The following ADAMTS17 variants were observed in gnomAD, a reference collection of about 807,000 sequenced individuals.
ADAMTS17 encodes the protein ADAM metallopeptidase with thrombospondin type 1 motif 17.
Under a neutral mutation model 141.5 loss-of-function variants are expected in ADAMTS17, and 113 were observed. That is an observed-to-expected ratio of 0.80 (90% CI 0.69 to 0.93). The LOEUF is 0.93. Ranked by LOEUF, ADAMTS17 falls within the 40% of genes least tolerant of loss-of-function variation. ADAMTS17 has a pLI of 0.00. For missense variants in ADAMTS17, 1,659 were observed against 1,517.9 expected (o/e 1.09, Z -1.54); for synonymous variants, 768 against 630.6 (o/e 1.22, Z -3.27).
intron 12 of ADAMTS17, chr15:100,126,301 T>C (rs1205209804): frequency 1.3e-5 from 2 of 152,190 alleles, no homozygotes; most frequent in African/African-American, 2.4e-5. Context: ...CATAGAAAAC[T>C]ACATGGGAAA....
intron 12 of ADAMTS17, among the ~76,000 whole-genome samples, chr15:100,127,584 T>A (rs1054231554): frequency 6.6e-6 from 1 of 152,200 alleles, no homozygotes; most frequent in African/African-American, 2.4e-5. Flanking sequence ...TTTTGTTTGT[T>A]TGTTTGTTTT....
chr15:100,281,246 G>T lies in ADAMTS17; in HGVS notation c.772C>A (p.Leu258Met). 1 of 1,606,140 alleles carries T rather than the reference G, an allele frequency of 6.2e-7. No individual in the cohort carries two copies. The change falls in exon 4 of 22, where the codon CTG (leucine) becomes ATG (methionine). Residue 258 changes from leucine to methionine, a missense_variant. Transcript: ENST00000268070. The part of the protein sequence containing the change: ...HGAEAAQRFI[L>M]TVMNMVYNMF... The stretch of plus-strand genomic sequence containing the variant: ...GGACTCACCATGTTCATGACGGTCA[G>T]GATGAACCTCTGGGCGGCCTCGGCC...
At chr15:100,171,330 C>T (rs888802922) in intron 8 of ADAMTS17, among the ~76,000 whole-genome samples, 7 of 152,168 alleles carry the variant, frequency 4.6e-5, no homozygotes, top group African/African-American at 1.4e-4. Flanking sequence ...TTTATGGCCT[C>T]ATTATTTGGA....
At chr15:100,305,392 T>C (rs1390462673) in intron 3 of ADAMTS17, among the ~76,000 whole-genome samples, 1 of 152,232 alleles carries the variant, frequency 6.6e-6, no homozygotes, top group Admixed American at 6.5e-5. Flanking sequence ...TCAAAGGCTG[T>C]GGTATTTGTA....
At chr15:100,166,326 C>G (rs2141443901) in intron 8 of ADAMTS17, among the ~76,000 whole-genome samples, 1 of 152,274 alleles carries the variant, frequency 6.6e-6, no homozygotes, top group East Asian at 1.9e-4. Flanking sequence ...TCAGATGATT[C>G]TTTTACAATA....
intron 4 of ADAMTS17, among the ~76,000 whole-genome samples, chr15:100,270,241 A>G (rs1210624190): frequency 6.6e-6 from 1 of 152,124 alleles, no homozygotes; most frequent in Non-Finnish European, 1.5e-5. Flanking sequence ...AGCCATTTGT[A>G]GCCGCCAGGC....
At position 100,133,263 on chromosome 15, in the gene ADAMTS17, T is replaced by C. The variant is rs755081894; in HGVS notation, c.1526A>G (p.Lys509Arg). The change falls in exon 11 of 22, where the codon AAG becomes AGG. Residue 509 changes from lysine (K) to arginine (R), a missense_variant. Transcript: ENST00000268070. ...ATCCAGGGGAGGGTCCAGCTTGGTC[T>C]TGCAGGATGTGTCTCCTTCTACCAG... ...WCLVEGDTSC[K>R]TKLDPPLDGT... 1 of 1,600,070 alleles carries C rather than the reference T, an allele frequency of 6.2e-7. No homozygotes were observed. Among genetic ancestry groups the C allele is most frequent in the East Asian group, 2.2e-5 (1 of 44,742 alleles).
intron 7 of ADAMTS17, among the ~76,000 whole-genome samples, chr15:100,210,704 G>A (rs932443934): frequency 6.6e-6 from 1 of 152,188 alleles, no homozygotes; most frequent in African/African-American, 2.4e-5. Flanking sequence ...AGTGGCTCAC[G>A]CCTGTAATCC....
intron 7 of ADAMTS17, among the ~76,000 whole-genome samples, chr15:100,247,362 G>A (rs1000952929): frequency 5.9e-5 from 9 of 152,132 alleles, no homozygotes; most frequent in African/African-American, 9.7e-5. Context: ...TCTCAAACAC[G>A]ACTTGCCAGC....
chr15:100,102,680 C>G lies in ADAMTS17; in HGVS notation c.2017-6204G>C, dbSNP rs116159277. 2.3e-3 allele frequency among the ~76,000 whole-genome samples: 347 copies of G among 152,254 alleles called. 1 individual carries two copies. The highest frequency in any genetic ancestry group is 0.014 in the Middle Eastern group (4 of 294). Reference sequence around the variant, plus strand: ...GGTAGGTTTCCTTTCGTAACTAGTGCGAGGGAAATTGACCTCTAACCCCAA... The same window carrying G: ...GGTAGGTTTCCTTTCGTAACTAGTGGGAGGGAAATTGACCTCTAACCCCAA... On this transcript the variant is annotated intron_variant, in intron 14 of 21. Coordinates refer to ENST00000268070, the MANE Select transcript of ADAMTS17 (RefSeq NM_139057.4).
intron 13 of ADAMTS17, among the ~76,000 whole-genome samples, 155 bp downstream of exon 13, chr15:100,116,692 T>C (rs1258130995): frequency 6.6e-6 from 1 of 152,204 alleles, no homozygotes; most frequent in Admixed American, 6.5e-5. Context: ...ACCCCACAAC[T>C]TACAAAGTTG....
intron 14 of ADAMTS17, among the ~76,000 whole-genome samples, chr15:100,108,510 T>A (rs1249411743): frequency 2.6e-5 from 4 of 152,172 alleles, no homozygotes. Flanking sequence ...ATCACTGTTC[T>A]AACCAGTCAT....
intron 4 of ADAMTS17, among the ~76,000 whole-genome samples, chr15:100,279,684 G>A (rs917610293): frequency 3.3e-5 from 5 of 152,154 alleles, no homozygotes; most frequent in African/African-American, 1.2e-4. Flanking sequence ...TCTGGCCCAG[G>A]CCTGAGGCTA....
chr15:100,128,051 G>A lies in ADAMTS17; in HGVS notation c.1721+3956C>T, dbSNP rs897853447. 3.9e-5 allele frequency among the ~76,000 whole-genome samples: 6 copies of A among 152,152 alleles called. 1 individual carries two copies. The highest frequency in any genetic ancestry group is 2.6e-4 in the Admixed American group (4 of 15,272). ...TGACCAGACATGGAGGAGGCAGAAAGGATATAAGAGGAAACTGCATGGACT... is the reference window on the plus strand; with the variant it reads ...TGACCAGACATGGAGGAGGCAGAAAAGATATAAGAGGAAACTGCATGGACT... On this transcript the variant is annotated intron_variant, in intron 12 of 21. Coordinates refer to ENST00000268070, the MANE Select transcript of ADAMTS17 (RefSeq NM_139057.4).
intron 18 of ADAMTS17, among the ~76,000 whole-genome samples, chr15:100,037,404 CTTT>C (rs544467796): frequency 1.4e-5 from 2 of 142,684 alleles, no homozygotes; most frequent in Non-Finnish European, 3.1e-5. Context: ...TTAGGTATTC[CTTT>C]TTTTTTTTTT....
chr15:100,284,256 T>A (rs1477815447), intron 3 of ADAMTS17, among the ~76,000 whole-genome samples: 1 of 152,226 alleles, frequency 6.6e-6, no homozygotes, highest in African/African-American at 2.4e-5. Context: ...CACTCTGAGT[T>A]AACACATACC....
intron 3 of ADAMTS17, among the ~76,000 whole-genome samples, chr15:100,323,156 AAATTC>A (rs149797504): frequency 0.031 from 4,757 of 151,944 alleles, 225 homozygotes; most frequent in African/African-American, 0.11. Flanking sequence ...GAAAAAATAA[AAATTC>A]AATTAATTTA....
At chr15:100,254,312 TAACA>T in intron 6 of ADAMTS17, 133 bp from the exon 7 acceptor site, 5 of 820,972 alleles carry the variant, frequency 6.1e-6, no homozygotes, top group Non-Finnish European at 2.0e-6. Context: ...CAGCGAATGA[TAACA>T]AACAGCAGCG....
At chr15:99,992,977 A>G in intron 20 of ADAMTS17, 71 bp downstream of exon 20, 1 of 1,597,750 alleles carries the variant, frequency 6.3e-7, no homozygotes, top group South Asian at 1.1e-5. Context: ...ACCCGTCACA[A>G]GAGCTGAGTT....
Sources: allele counts gnomAD v4.1 joint callset (sites outside exome capture counted in the v4.1 genomes callset), GRCh38; gene constraint gnomAD v4.1.1; transcripts MANE v1.5; gene names NCBI Gene and HGNC (gene_info 2026-07-23, HGNC 2026-07-21).